Variants in NIPBL observed in about 807,000 individuals in gnomAD.
The protein encoded by NIPBL is nipped-B-like protein.
Under a neutral mutation model 321.8 loss-of-function variants are expected in NIPBL, and 19 were observed. The observed-to-expected ratio is 0.06, with a 90% CI of 0.04 to 0.09. NIPBL has a LOEUF of 0.09. Among genes scored for constraint, NIPBL ranks in the 10% least tolerant of loss-of-function variants. The pLI is 1.00. For missense variants in NIPBL, 2,210 were observed against 3,327.0 expected (o/e 0.66, Z 8.26); for synonymous variants, 1,106 against 1,114.1 (o/e 0.99, Z 0.14).
chr5:37,032,740 CCTTT>C (rs886957766), intron 32 of NIPBL, among the ~76,000 whole-genome samples: 1 of 151,956 alleles, frequency 6.6e-6, no homozygotes, highest in Non-Finnish European at 1.5e-5. Flanking sequence ...GTGCCACTGC[CCTTT>C]CTTCTGGGGA....
intron 16 of NIPBL, 117 bp from the exon 17 acceptor site, chr5:37,006,240 A>T: frequency 1.5e-6 from 1 of 689,002 alleles, no homozygotes; most frequent in Non-Finnish European, 2.6e-6. Flanking sequence ...TATTCTTAAA[A>T]GAATTAACAC....
At position 37,003,332 on chromosome 5, in the gene NIPBL, C is replaced by T. The variant is rs139137985; in HGVS notation, c.3840C>T (p.Ser1280=). The change falls in exon 16 of 47, where the codon TCC becomes TCT. Residue 1280 remains serine, a synonymous_variant. Coordinates refer to ENST00000282516, the MANE Select transcript of NIPBL (RefSeq NM_133433.4). ...ATATTCAGGATGGGTCAAAGCTTTC[C>T]ACTTTGTTAAATCATGTAAGTTTAA... The part of the protein sequence containing the change: ...EKNIQDGSKL[S]TLLNHNNDTE... The T allele has an allele frequency of 6.3e-7, 1 of 1,596,566 alleles. No homozygotes were observed. Among genetic ancestry groups the T allele is most frequent in the African/African-American group, 1.3e-5 (1 of 74,590 alleles).
intron 1 of NIPBL, among the ~76,000 whole-genome samples, chr5:36,888,533 TTTAC>T (rs1746087198): frequency 6.6e-6 from 1 of 152,090 alleles, no homozygotes; most frequent in Non-Finnish European, 1.5e-5. Flanking sequence ...TGGAAACAAG[TTTAC>T]TTAAATAACA....
At chr5:36,956,206 G>A (rs763546666) in intron 3 of NIPBL, among the ~76,000 whole-genome samples, 10 of 151,972 alleles carry the variant, frequency 6.6e-5, no homozygotes, top group Non-Finnish European at 1.2e-4. Flanking sequence ...ACTCCAGCCT[G>A]GCAACAGAGT....
chr5:36,966,934 C>T (rs983410698), intron 6 of NIPBL, among the ~76,000 whole-genome samples: 8 of 150,962 alleles, frequency 5.3e-5, no homozygotes, highest in Admixed American at 4.6e-4. Context: ...CTAAGCAGAC[C>T]GAAAACCTCG....
intron 32 of NIPBL, among the ~76,000 whole-genome samples, chr5:37,034,715 T>C (rs1751493382): frequency 6.6e-6 from 1 of 152,194 alleles, no homozygotes; most frequent in African/African-American, 2.4e-5. Context: ...AAGGAGATGG[T>C]AAATTTCTGA....
Position 37,057,250 on chromosome 5 carries a change from A to C in NIPBL, c.7328A>C (p.Gln2443Pro). 6.2e-7 allele frequency: 1 copy of C among 1,613,912 alleles called. No individual in the cohort carries two copies. The highest frequency in any genetic ancestry group is 8.5e-7 in the Non-Finnish European group (1 of 1,179,840). Residue 2443 changes from glutamine to proline, a missense_variant, in exon 43 of 47, where the codon CAG (glutamine) becomes CCG (proline). Gln to Pro is a moderately conservative substitution (Grantham distance 76, BLOSUM62 -1). Transcript: ENST00000282516. ...DNLACFPYQT[Q>P]EEPLFIMHHI... Reference sequence around the variant, plus strand: ...CTAGCCTGTTTTCCATACCAGACACAGGAAGAGCCGTTGTTTATAATGCAT... The same window carrying C: ...CTAGCCTGTTTTCCATACCAGACACCGGAAGAGCCGTTGTTTATAATGCAT...
intron 1 of NIPBL, among the ~76,000 whole-genome samples, chr5:36,899,537 T>G (rs1747043547): frequency 6.6e-6 from 1 of 152,222 alleles, no homozygotes; most frequent in Non-Finnish European, 1.5e-5. Flanking sequence ...AAAAGGAAAT[T>G]CAGCTTAAAG....
intron 10 of NIPBL, among the ~76,000 whole-genome samples, chr5:36,990,936 C>T (rs1012719081): frequency 6.6e-6 from 1 of 151,874 alleles, no homozygotes; most frequent in African/African-American, 2.4e-5. Context: ...TTCTGTAAGA[C>T]CCTGTGCCTA....
At chr5:36,933,917 A>G (rs1749968131) in intron 1 of NIPBL, among the ~76,000 whole-genome samples, 1 of 141,758 alleles carries the variant, frequency 7.1e-6, no homozygotes, top group South Asian at 2.1e-4. Context: ...TAATAAGAGT[A>G]TGGGGGGGTG....
chr5:36,909,762 CA>C (rs1747905340), intron 1 of NIPBL, among the ~76,000 whole-genome samples: 1 of 151,966 alleles, frequency 6.6e-6, no homozygotes, highest in African/African-American at 2.4e-5. Flanking sequence ...AAATTTTTAA[CA>C]ATGTATTATT....
chr5:36,976,449 A>G, intron 9 of NIPBL, 47 bp downstream of exon 9: 2 of 1,589,682 alleles, frequency 1.3e-6, no homozygotes, highest in Non-Finnish European at 1.7e-6. Context: ...GCAAATATGT[A>G]ATTATAGTGT....
At position 37,007,278 on chromosome 5, in the gene NIPBL, A is replaced by G. The variant is rs749609991; in HGVS notation, c.4088-45A>G. Reference sequence around the variant, plus strand: ...GTTTGAGTACTGTTTATTAAAAATTATTAAAAGTTGATGTTTTCCTTATCT... The same window carrying G: ...GTTTGAGTACTGTTTATTAAAAATTGTTAAAAGTTGATGTTTTCCTTATCT... On this transcript the variant is annotated intron_variant, in intron 17 of 46. Transcript: ENST00000282516. The G allele has an allele frequency of 1.9e-6, 3 of 1,550,306 alleles. No individual in the cohort carries two copies. The Admixed American group carries it at 5.1e-5, about 27-fold the overall frequency.
chr5:36,995,396 T>C (rs1194582263), intron 10 of NIPBL: 2 of 391,052 alleles, frequency 5.1e-6, no homozygotes, highest in African/African-American at 4.2e-5. Context: ...TTTATGGTGG[T>C]GTCATGTTTT....
At chr5:37,010,390 A>G (rs992515585) in intron 21 of NIPBL, among the ~76,000 whole-genome samples, 165 bp downstream of exon 21, 3 of 152,052 alleles carry the variant, frequency 2.0e-5, no homozygotes, top group Non-Finnish European at 2.9e-5. Flanking sequence ...ATCTCGGCTC[A>G]CTGCAACCTC....
chr5:37,040,601 A>G (rs932971760), intron 34 of NIPBL, among the ~76,000 whole-genome samples: 11 of 152,166 alleles, frequency 7.2e-5, no homozygotes, highest in Admixed American at 1.3e-4. Flanking sequence ...TCATTTCCCT[A>G]TTTGGCAGGT....
intron 21 of NIPBL, 92 bp downstream of exon 21, chr5:37,010,317 TTTTC>T: frequency 5.3e-6 from 6 of 1,136,618 alleles, no homozygotes; most frequent in Non-Finnish European, 7.7e-6. Flanking sequence ...AGTTCTTTTT[TTTTC>T]TTTCTTTTTT....
Position 36,919,255 on chromosome 5 carries a change from T to C in NIPBL, c.-79-34363T>C, listed in dbSNP as rs532813383. ...GAGAGGGCATTTTACTACCAAAAGG[T>C]AAAGTAGGAAAGGTGTATCTTCAGA... On this transcript the variant is annotated intron_variant, in intron 1 of 46. Transcript: ENST00000282516. Among the ~76,000 whole-genome samples, 3 of 152,258 alleles carry C rather than the reference T, an allele frequency of 2.0e-5. No individual in the cohort carries two copies. The East Asian group carries it at 5.8e-4, about 29-fold the overall frequency.
chr5:37,064,390 T>C (rs1031068457), intron 46 of NIPBL, 137 bp from the exon 47 acceptor site: 8 of 1,533,830 alleles, frequency 5.2e-6, no homozygotes, highest in Non-Finnish European at 7.0e-6. Flanking sequence ...TCACGGTGCG[T>C]CTCATTGCCG....
Sources: gnomAD v4.1 joint callset for allele counts (sites outside exome capture counted in the v4.1 genomes callset) on GRCh38, gnomAD v4.1.1 for gene constraint, MANE v1.5 for transcripts, NCBI Gene and HGNC (gene_info 2026-07-23, HGNC 2026-07-21) for gene names.